The following ABAT variants were observed in gnomAD, a reference collection of about 807,000 sequenced individuals.
ABAT encodes 4-aminobutyrate aminotransferase, also known as 4-aminobutyrate aminotransferase, mitochondrial.
ABAT carries 45 observed loss-of-function variants against 64.6 expected under a neutral mutation model. That is an observed-to-expected ratio of 0.70 (90% CI 0.55 to 0.89). The LOEUF (loss-of-function observed/expected upper bound fraction) is 0.89, where lower values mean the gene tolerates loss of function less well. Ranked by LOEUF, ABAT falls within the 40% of genes least tolerant of loss-of-function variation. The probability of loss-of-function intolerance (pLI) is 0.00; values close to 1 mark genes in which losing one functional copy is unlikely to be tolerated. For synonymous variants in ABAT, 297 were observed against 250.5 expected, an observed-to-expected ratio of 1.19 and a Z score of -1.75; for missense variants, 633 against 658.4, an observed-to-expected ratio of 0.96 and a Z score of 0.42.
At chr16:8,701,251 C>G (rs1193933315) in intron 1 of ABAT, among the ~76,000 whole-genome samples, 2 of 152,228 alleles carry the variant, frequency 1.3e-5, no homozygotes, top group African/African-American at 2.4e-5. Context: ...AATTCTTTAA[C>G]AACAGCAGTA....
intron 1 of ABAT, among the ~76,000 whole-genome samples, chr16:8,684,232 G>A (rs546035561): frequency 1.3e-5 from 2 of 152,276 alleles, no homozygotes; most frequent in African/African-American, 4.8e-5. Context: ...ATCATGAACA[G>A]GCCCAGAGAG....
chr16:8,751,286 A>C (rs8061093), intron 5 of ABAT, among the ~76,000 whole-genome samples: 35,255 of 151,736 alleles, frequency 0.23, 4,230 homozygotes, highest in South Asian at 0.31. Flanking sequence ...TGGTCTCACT[A>C]TGCGCTGCCC....
chr16:8,779,977 G>C (rs1338052715), intron 15 of ABAT, among the ~76,000 whole-genome samples: 1 of 152,186 alleles, frequency 6.6e-6, no homozygotes, highest in African/African-American at 2.4e-5. Flanking sequence ...TAAGAGAGCA[G>C]ATAGCTGCAG....
chr16:8,693,461 C>G (rs1384933417), intron 1 of ABAT, among the ~76,000 whole-genome samples: 1 of 152,084 alleles, frequency 6.6e-6, no homozygotes, highest in East Asian at 1.9e-4. Flanking sequence ...CTTTTTAGGT[C>G]TTTTTATTTT....
chr16:8,695,782 A>G (rs1010520962), intron 1 of ABAT, among the ~76,000 whole-genome samples: 1 of 152,232 alleles, frequency 6.6e-6, no homozygotes, highest in African/African-American at 2.4e-5. Context: ...AGAGATACAG[A>G]GCAGTTTTCA....
chr16:8,715,873 A>T (rs2142124966), intron 1 of ABAT, among the ~76,000 whole-genome samples: 1 of 150,396 alleles, frequency 6.6e-6, no homozygotes. Flanking sequence ...TTCTTAGAAG[A>T]TACAGGCTGA....
chr16:8,693,022 T>G (rs1257140092), intron 1 of ABAT, among the ~76,000 whole-genome samples: 1 of 152,038 alleles, frequency 6.6e-6, no homozygotes, highest in African/African-American at 2.4e-5. Context: ...TCTGGCTAAT[T>G]TTTGTATTTT....
Position 8,678,069 on chromosome 16 carries a change from A to C in ABAT, c.-42+3358A>C, listed in dbSNP as rs187761047. On this transcript the variant is annotated intron_variant, in intron 1 of 15. Transcript: ENST00000268251. ...AGTGAGACACTGTCTCCAAAAAAAA[A>C]CAAAATAAAAACCAAAAACAGCTTC... Among the ~76,000 whole-genome samples, 507 of 152,252 alleles carry C rather than the reference A, an allele frequency of 3.3e-3. 1 individual carries two copies. Among genetic ancestry groups the C allele is most frequent in the African/African-American group, 0.011 (465 of 41,546 alleles).
At position 8,737,578 on chromosome 16, in the gene ABAT, G is replaced by C. The variant is rs550749448; in HGVS notation, c.70+1769G>C. ...GGGAGAACCCATATGGCCCTCACCA[G>C]TTTCCTCCCTTGTTAACATCTTACA... On this transcript the variant is annotated intron_variant, in intron 2 of 15. Transcript: ENST00000268251. 133 of 152,060 alleles carry C rather than the reference G, an allele frequency of 8.7e-4. 2 individuals carry two copies. Among genetic ancestry groups the C allele is most frequent in the African/African-American group, 3.2e-3 (132 of 41,490 alleles). The allele number at this position is 152,060 out of a possible 1,614,324, so 9.4% of individuals were successfully genotyped here. A position where few individuals can be genotyped will look rare whatever the true frequency, so the allele number is the denominator to read the frequency against.
chr16:8,777,967 T>C (rs1298838822), intron 14 of ABAT, among the ~76,000 whole-genome samples: 1 of 150,226 alleles, frequency 6.7e-6, no homozygotes, highest in African/African-American at 2.5e-5. Flanking sequence ...AAGAAACAAA[T>C]TGTGCACATA....
chr16:8,728,902 T>C (rs1243274183), intron 1 of ABAT, among the ~76,000 whole-genome samples: 1 of 152,212 alleles, frequency 6.6e-6, no homozygotes, highest in African/African-American at 2.4e-5. Flanking sequence ...TCTCAGTTAA[T>C]TCATGGCCAC....
intron 1 of ABAT, among the ~76,000 whole-genome samples, chr16:8,720,232 A>C (rs183494151): frequency 6.6e-6 from 1 of 152,312 alleles, no homozygotes; most frequent in South Asian, 2.1e-4. Flanking sequence ...TCCTGACCCC[A>C]CAAATAGATT....
rs1333643062 is a variant in ABAT at position 8,781,700 on chromosome 16, G to A, written c.*270G>A. The A allele has an allele frequency of 7.5e-6, 4 of 534,852 alleles. No homozygotes were observed. Among genetic ancestry groups the A allele is most frequent in the African/African-American group, 1.9e-5 (1 of 52,562 alleles). 33.1% of individuals were successfully genotyped at this position (534,852 alleles called of 1,614,324 possible). ...CTGGACTCATCTTGGGAAGGGCCAT[G>A]GGAGGTCCTGGCTAGAGTTCTGCCC... On this transcript the variant is annotated 3_prime_UTR_variant, in exon 16 of 16. Coordinates refer to ENST00000268251, the MANE Select transcript of ABAT (RefSeq NM_020686.6). This position sits in a 1 kb window ranked among gnomAD's most constrained non-coding sequence, Gnocchi z 4.5.
At chr16:8,774,570 C>G (rs1042865513) in intron 12 of ABAT, among the ~76,000 whole-genome samples, 1 of 152,048 alleles carries the variant, frequency 6.6e-6, no homozygotes, top group Non-Finnish European at 1.5e-5. Flanking sequence ...CTCCCTCTGA[C>G]GAGGTCGAGA....
chr16:8,756,901 T>G (rs1008833616), intron 5 of ABAT, among the ~76,000 whole-genome samples: 2 of 152,178 alleles, frequency 1.3e-5, no homozygotes, highest in Admixed American at 6.5e-5. Flanking sequence ...AGCCTTGTTG[T>G]GCAATGTCAG....
At chr16:8,733,397 A>G (rs1394891057) in intron 1 of ABAT, among the ~76,000 whole-genome samples, 37 of 150,726 alleles carry the variant, frequency 2.5e-4, no homozygotes, top group East Asian at 5.9e-4. Flanking sequence ...ATGGGCGGCC[A>G]GGCAGAGACG....
chr16:8,708,783 G>A (rs1018595273), intron 1 of ABAT, among the ~76,000 whole-genome samples: 12 of 152,176 alleles, frequency 7.9e-5, no homozygotes, highest in African/African-American at 1.7e-4. Flanking sequence ...AAATAGCTCC[G>A]GGATCTTGGG....
chr16:8,738,994 C>T (rs2059077503), intron 2 of ABAT, among the ~76,000 whole-genome samples: 1 of 152,112 alleles, frequency 6.6e-6, no homozygotes, highest in South Asian at 2.1e-4. Context: ...TTAATGTTTA[C>T]CCATAATTAT....
Position 8,724,927 on chromosome 16 carries a change from T to C in ABAT, c.-41-10772T>C, listed in dbSNP as rs528781428. Among the ~76,000 whole-genome samples the C allele has an allele frequency of 4.1e-4, 25 of 61,458 alleles. No individual in the cohort carries two copies. The South Asian group carries it at 6.7e-3, about 17-fold the overall frequency. 40.3% of individuals were successfully genotyped at this position (61,458 alleles called of 152,430 possible). A position where few individuals can be genotyped will look rare whatever the true frequency, so the allele number is the denominator to read the frequency against. On this transcript the variant is annotated intron_variant, in intron 1 of 15. Coordinates refer to ENST00000268251, the MANE Select transcript of ABAT (RefSeq NM_020686.6). ...CTCCAATATCTCTTTTTTCTTTTTT[T>C]TTTTTTTGAGATGGAGTCTCACTCT... is the stretch of plus-strand genomic sequence containing the variant.
Sources: allele counts gnomAD v4.1 joint callset (sites outside exome capture counted in the v4.1 genomes callset), GRCh38; gene constraint gnomAD v4.1.1; non-coding constraint Gnocchi (gnomAD v3.1); transcripts MANE v1.5; gene names NCBI Gene and HGNC (gene_info 2026-07-23, HGNC 2026-07-21).